Variants in CCNB3 observed in about 807,000 individuals in gnomAD.
CCNB3 encodes the protein cyclin B3.
CCNB3 carries 12 observed loss-of-function variants against 68.0 expected under a neutral mutation model. That is an observed-to-expected ratio of 0.18 (90% CI 0.11 to 0.29). The LOEUF (loss-of-function observed/expected upper bound fraction) is 0.29. CCNB3 is among the 10% of genes least tolerant of loss of function. The pLI, the probability that CCNB3 is intolerant of heterozygous loss-of-function variation, is 1.00. For missense variants in CCNB3, 904 were observed against 993.1 expected (o/e 0.91, Z 1.21); for synonymous variants, 354 against 388.9 (o/e 0.91, Z 1.06).
intron 5 of CCNB3, among the ~76,000 whole-genome samples, chrX:50,306,152 T>C (rs1328159331): frequency 2.7e-5 from 3 of 110,558 alleles, no homozygotes; most frequent in Non-Finnish European, 5.7e-5. Context: ...AGATATTTAG[T>C]TTTTTGAATG....
chrX:50,331,141 G>A (rs1922575858), intron 8 of CCNB3, among the ~76,000 whole-genome samples: 1 of 111,664 alleles, frequency 9.0e-6, no homozygotes, highest in Admixed American at 9.5e-5. Context: ...TTTGCGGGAA[G>A]CATGGACAGA....
intron 8 of CCNB3, among the ~76,000 whole-genome samples, chrX:50,322,648 G>C (rs1299471426): frequency 2.7e-5 from 3 of 111,604 alleles, no homozygotes; most frequent in African/African-American, 9.8e-5. Flanking sequence ...CTATAGAATG[G>C]GAGAAAATTT....
chrX:50,323,411 C>A (rs782221506), intron 8 of CCNB3, among the ~76,000 whole-genome samples: 8 of 63,363 alleles, frequency 1.3e-4, no homozygotes, highest in South Asian at 2.2e-3. Flanking sequence ...ACACTGGGGC[C>A]TGTTGTGGGG....
intron 1 of CCNB3, among the ~76,000 whole-genome samples, chrX:50,280,374 G>A (rs1936116083): frequency 9.5e-6 from 1 of 105,300 alleles, no homozygotes; most frequent in Non-Finnish European, 1.9e-5. Context: ...ATTAATAAAT[G>A]TTTGTTAAAC....
chrX:50,295,725 C>A (rs1557210790), intron 5 of CCNB3, among the ~76,000 whole-genome samples: 1 of 111,245 alleles, frequency 9.0e-6, no homozygotes, highest in Admixed American at 9.6e-5. Flanking sequence ...AGCCAGAAGG[C>A]CTGGTATAGA....
chrX:50,306,519 C>T (rs1336057139), intron 5 of CCNB3, among the ~76,000 whole-genome samples: 1 of 111,852 alleles, frequency 8.9e-6, no homozygotes, highest in Non-Finnish European at 1.9e-5. Context: ...ATAGAAGTAT[C>T]AAGAGTTGGA....
chrX:50,227,868 TATA>T (rs1935930854), intron 1 of CCNB3, among the ~76,000 whole-genome samples: 1 of 82,562 alleles, frequency 1.2e-5, no homozygotes, highest in Non-Finnish European at 2.2e-5. Flanking sequence ...ATGGAGAATA[TATA>T]AATATATAGA....
chrX:50,209,281 T>G (rs797033541), intron 1 of CCNB3, among the ~76,000 whole-genome samples: 1 of 111,824 alleles, frequency 8.9e-6, no homozygotes, highest in African/African-American at 3.3e-5. Context: ...TGGGTGTATT[T>G]TTGTTAAGAA....
intron 5 of CCNB3, among the ~76,000 whole-genome samples, chrX:50,306,839 A>C (rs1557213639): frequency 9.0e-6 from 1 of 111,585 alleles, no homozygotes; most frequent in Non-Finnish European, 1.9e-5. Context: ...TATGGTGTAT[A>C]ATCCTTTTAT....
Position 50,309,002 on chromosome X carries a change from T to C in CCNB3, c.833T>C (p.Ile278Thr), listed in dbSNP as rs375489989. 40 of 1,208,561 alleles carry C rather than the reference T, an allele frequency of 3.3e-5. No homozygotes were observed. Among genetic ancestry groups the C allele is most frequent in the Non-Finnish European group, 4.2e-5 (38 of 894,549 alleles). ...FKKKPKTEES[I>T]PTHKLSSLKK... ...AAGAAGCCTAAAACTGAGGAGTCAA[T>C]CCCCACCCATAAGTTATCATCTTTA... Residue 278 changes from isoleucine to threonine, a missense_variant, in exon 6 of 13, where the codon ATC (isoleucine) becomes ACC (threonine). Physicochemically the swap from Ile to Thr is moderately conservative, Grantham distance 89. Transcript: ENST00000376042.
chrX:50,221,077 T>C (rs1325418006), intron 1 of CCNB3, among the ~76,000 whole-genome samples: 3 of 111,872 alleles, frequency 2.7e-5, no homozygotes, highest in African/African-American at 9.7e-5. Context: ...GTTTATAGTA[T>C]TCTCTGATGG....
chrX:50,336,056 T>G (rs2147093294), intron 8 of CCNB3, among the ~76,000 whole-genome samples: 1 of 111,372 alleles, frequency 9.0e-6, no homozygotes, highest in South Asian at 3.9e-4. Flanking sequence ...ACCACAAACT[T>G]AATGTCCTTG....
chrX:50,307,704 G>C (rs1557213754), intron 5 of CCNB3, among the ~76,000 whole-genome samples: 1 of 110,070 alleles, frequency 9.1e-6, no homozygotes, highest in Non-Finnish European at 1.9e-5. Flanking sequence ...CCCTGTCCCA[G>C]CCTCAGGAAA....
At chrX:50,223,456 A>G (rs1935705081) in intron 1 of CCNB3, among the ~76,000 whole-genome samples, 1 of 111,545 alleles carries the variant, frequency 9.0e-6, no homozygotes, top group African/African-American at 3.3e-5. Context: ...CTGTGTGGAC[A>G]TCCTTTTTGT....
chrX:50,316,455 T>C (rs782472069), intron 8 of CCNB3, among the ~76,000 whole-genome samples: 78 of 112,505 alleles, frequency 6.9e-4, no homozygotes, highest in African/African-American at 2.4e-3. Context: ...ACAGCTTTTT[T>C]GTGAATATAG....
chrX:50,309,189 G>A lies in CCNB3; in HGVS notation c.1020G>A (p.Glu340=). Residue 340 remains glutamate, a synonymous_variant, in exon 6 of 13, where the codon GAG becomes GAA. Transcript: ENST00000376042. ...LSVLQEKHTT[E]HEMSILKKSL... is the part of the protein sequence containing the mutation. ...TATTGCAAGAGAAACACACCACTGA[G>A]CATGAGATGTCCATCTTGAAGAAAT... 8.3e-7 allele frequency: 1 copy of A among 1,210,208 alleles called. No homozygotes were observed. The highest frequency in any genetic ancestry group is 1.1e-6 in the Non-Finnish European group (1 of 894,366).
intron 8 of CCNB3, among the ~76,000 whole-genome samples, chrX:50,319,246 C>T (rs782026417): frequency 1.4e-4 from 15 of 110,989 alleles, no homozygotes; most frequent in South Asian, 1.2e-3. Flanking sequence ...ATAGAATTGG[C>T]GCGTTACTAT....
intron 5 of CCNB3, among the ~76,000 whole-genome samples, chrX:50,300,764 G>A: frequency 8.9e-6 from 1 of 111,893 alleles, no homozygotes; most frequent in Non-Finnish European, 1.9e-5. Flanking sequence ...GTCACTTTCA[G>A]GTACAGCAAT....
chrX:50,223,200 G>C (rs1353943025), intron 1 of CCNB3, among the ~76,000 whole-genome samples: 2 of 110,631 alleles, frequency 1.8e-5, no homozygotes, highest in East Asian at 5.7e-4. Context: ...CTTGCATTGG[G>C]TTAGAACATG....
Sources: allele counts gnomAD v4.1 joint callset (sites outside exome capture counted in the v4.1 genomes callset), GRCh38; gene constraint gnomAD v4.1.1; transcripts MANE v1.5; gene names NCBI Gene and HGNC (gene_info 2026-07-23, HGNC 2026-07-21).